Variants in ATP10B observed in about 807,000 individuals in gnomAD.
ATP10B encodes ATPase phospholipid transporting 10B (putative), also known as phospholipid-transporting ATPase VB.
A neutral mutation model predicts 141.2 loss-of-function variants in ATP10B; 122 were observed. That is an observed-to-expected ratio of 0.86 (90% CI 0.75 to 1.00). The LOEUF (loss-of-function observed/expected upper bound fraction) is 1.00, where lower values mean the gene tolerates loss of function less well. Among genes scored for constraint, ATP10B ranks in the 50% least tolerant of loss-of-function variants. The pLI is 0.00. For synonymous variants in ATP10B, 685 were observed against 692.0 expected (o/e 0.99, Z 0.16); for missense variants, 1,876 against 1,825.3 (o/e 1.03, Z -0.51).
At chr5:160,749,872 A>G (rs903756156) in intron 2 of ATP10B, among the ~76,000 whole-genome samples, 3 of 152,164 alleles carry the variant, frequency 2.0e-5, no homozygotes, top group South Asian at 4.1e-4. Flanking sequence ...CCCTATCTTC[A>G]TGGCACTCTA....
At chr5:160,588,170 T>C (rs12653513) in intron 24 of ATP10B, among the ~76,000 whole-genome samples, 4,478 of 152,308 alleles carry the variant, frequency 0.029, 218 homozygotes, top group East Asian at 0.22. Context: ...TTTCTAAATA[T>C]ACAATCATGT....
At chr5:160,752,411 C>G (rs1768220610) in intron 2 of ATP10B, among the ~76,000 whole-genome samples, 1 of 152,126 alleles carries the variant, frequency 6.6e-6, no homozygotes, top group East Asian at 1.9e-4. Context: ...GACTATTCCA[C>G]TTAGCATACA....
intron 2 of ATP10B, among the ~76,000 whole-genome samples, chr5:160,780,550 TTCTA>T (rs2127879916): frequency 6.6e-6 from 1 of 152,306 alleles, no homozygotes; most frequent in Admixed American, 6.5e-5. Context: ...ACAACTTCAC[TTCTA>T]TCTGTGCATC....
intron 18 of ATP10B, among the ~76,000 whole-genome samples, chr5:160,608,680 G>A (rs1757540017): frequency 2.0e-5 from 3 of 152,222 alleles, no homozygotes; most frequent in Admixed American, 2.0e-4. Flanking sequence ...CTGATGGCCA[G>A]TGATGATGAG....
Position 160,747,995 on chromosome 5 carries a change from GAAAAA to G in ATP10B, c.-330-30966_-330-30962del, listed in dbSNP as rs3075589. Among the ~76,000 whole-genome samples, 20 of 99,042 alleles carry G rather than the reference GAAAAA, an allele frequency of 2.0e-4. 1 individual carries two copies. Among genetic ancestry groups the G allele is most frequent in the Middle Eastern group, 5.0e-3 (1 of 202 alleles). 65.0% of individuals were successfully genotyped at this position (99,042 alleles called of 152,430 possible). A position where few individuals can be genotyped will look rare whatever the true frequency, so the allele number is the denominator to read the frequency against. On this transcript the variant is annotated intron_variant, in intron 2 of 25. Coordinates refer to ENST00000327245, the MANE Select transcript of ATP10B (RefSeq NM_025153.3). ...CTGGGTCCAGCTGAGCATTGAGAGA[GAAAAA>G]AAAAAAAAAAAAAAAAGCGGCCGGG... is the stretch of plus-strand genomic sequence containing the variant.
chr5:160,714,026 T>C (rs1765447026), intron 3 of ATP10B, among the ~76,000 whole-genome samples: 1 of 40,538 alleles, frequency 2.5e-5, no homozygotes. Context: ...AACCCGACCT[T>C]TCTCTCTGGC....
chr5:160,867,284 C>A, the ATP10B span, among the ~76,000 whole-genome samples: 1 of 151,874 alleles, frequency 6.6e-6, no homozygotes, highest in African/African-American at 2.4e-5. Context: ...TTGTTAATAT[C>A]TGGGCCCACT....
chr5:160,865,302 A>G, the ATP10B span, among the ~76,000 whole-genome samples: 80 of 152,170 alleles, frequency 5.3e-4, no homozygotes, highest in African/African-American at 1.7e-3. Context: ...TTGACAAAGC[A>G]TACAAAAACA....
At chr5:160,903,732 A>G in the ATP10B span, among the ~76,000 whole-genome samples, 3 of 152,230 alleles carry the variant, frequency 2.0e-5, no homozygotes, top group South Asian at 2.1e-4. Context: ...CTTATCTCAC[A>G]CAGAAGATTA....
chr5:160,615,925 G>A lies in ATP10B; in HGVS notation c.2566C>T (p.Arg856Trp), dbSNP rs749983555. The A allele has an allele frequency of 1.4e-5, 23 of 1,613,606 alleles. No individual in the cohort carries two copies. Among genetic ancestry groups the A allele is most frequent in the East Asian group, 4.5e-5 (2 of 44,856 alleles). The change falls in exon 17 of 26, where the codon CGG (arginine) becomes TGG (tryptophan). Residue 856 changes from arginine (R) to tryptophan (W), a missense_variant. Arg to Trp is a moderately radical substitution (Grantham distance 101, BLOSUM62 -3). Transcript: ENST00000327245. ...EEDFRRWASFRREAEASLDNR... is the reference protein window; with the variant it reads ...EEDFRRWASFWREAEASLDNR... The stretch of plus-strand genomic sequence containing the variant: ...TCGAGGGATGCCTCAGCCTCACGCC[G>A]GAAACTGGCCCATCTCCGGAAGTCC...
At chr5:160,602,431 A>G in intron 21 of ATP10B, 146 bp downstream of exon 21, 1 of 1,024,010 alleles carries the variant, frequency 9.8e-7, no homozygotes, top group South Asian at 1.6e-5. Context: ...TCACAGAGCT[A>G]TTAAGGAACA....
rs115262034 is a variant in ATP10B at position 160,623,819 on chromosome 5, A to G, written c.1621-1234T>C. Among the ~76,000 whole-genome samples the G allele has an allele frequency of 8.4e-3, 1,281 of 152,260 alleles. 13 individuals carry two copies. Among genetic ancestry groups the G allele is most frequent in the African/African-American group, 0.029 (1,209 of 41,536 alleles). ...GCAGTGGTGGTGTCTGGTTTTGTCT[A>G]TCTCCCTGCTGGCATCTTGCTTTGG... On this transcript the variant is annotated intron_variant, in intron 13 of 25. Coordinates refer to ENST00000327245, the MANE Select transcript of ATP10B (RefSeq NM_025153.3).
chr5:160,736,058 A>G (rs1767093635), intron 2 of ATP10B, among the ~76,000 whole-genome samples: 1 of 152,330 alleles, frequency 6.6e-6, no homozygotes, highest in Admixed American at 6.5e-5. Context: ...AAACAATCTA[A>G]TGATGCATCT....
Position 160,632,339 on chromosome 5 carries a change from C to T in ATP10B, c.1410G>A (p.Leu470=), listed in dbSNP as rs1208328056. The T allele has an allele frequency of 1.2e-6, 2 of 1,614,088 alleles. No individual in the cohort carries two copies. The highest frequency in any genetic ancestry group is 1.7e-6 in the Non-Finnish European group (2 of 1,180,030). ...GGGTCCACTCTTCACCATCTGAGTC[C>T]AGCTCCTTTGGGGTCTCCAGTCGCT... ...NAKRLETPKE[L]DSDGEEWTQY... Residue 470 remains leucine (L), a synonymous_variant, in exon 13 of 26, where the codon CTG becomes CTA. Transcript: ENST00000327245.
chr5:160,818,361 AAAG>A (rs1773843630), intron 1 of ATP10B, among the ~76,000 whole-genome samples: 1 of 152,242 alleles, frequency 6.6e-6, no homozygotes, highest in Non-Finnish European at 1.5e-5. Flanking sequence ...ACACTTCTCA[AAAG>A]AAGACATTGA....
the ATP10B span, among the ~76,000 whole-genome samples, chr5:160,893,175 A>C: frequency 6.6e-6 from 1 of 152,004 alleles, no homozygotes; most frequent in Non-Finnish European, 1.5e-5. Context: ...CCCAAGTGGC[A>C]CCTGGAATGC....
chr5:160,563,443 A>G lies in ATP10B; in HGVS notation c.*2010T>C, dbSNP rs1377328050. ...AAAGAGCAGCATCAGAGTGTTGGCT[A>G]TAGTTTGGAACTTAGGAACAGGATC... On this transcript the variant is annotated 3_prime_UTR_variant, in exon 26 of 26. Transcript: ENST00000327245. 6.6e-6 allele frequency: 1 copy of G among 152,212 alleles called. No individual in the cohort carries two copies. Among genetic ancestry groups the G allele is most frequent in the Non-Finnish European group, 1.5e-5 (1 of 68,038 alleles). The allele number at this position is 152,212 out of a possible 1,614,324, so 9.4% of individuals were successfully genotyped here.
intron 2 of ATP10B, among the ~76,000 whole-genome samples, chr5:160,733,610 TCA>T (rs908960829): frequency 1.3e-5 from 2 of 151,636 alleles, no homozygotes; most frequent in Admixed American, 6.6e-5. Flanking sequence ...TACATATATG[TCA>T]CACATATATT....
intron 24 of ATP10B, among the ~76,000 whole-genome samples, chr5:160,583,890 G>T (rs1755712108): frequency 6.6e-6 from 1 of 152,152 alleles, no homozygotes; most frequent in African/African-American, 2.4e-5. Flanking sequence ...AACCAAGCTG[G>T]AGTGTACCAG....
Sources: allele counts gnomAD v4.1 joint callset (sites outside exome capture counted in the v4.1 genomes callset), GRCh38; gene constraint gnomAD v4.1.1; transcripts MANE v1.5; gene names NCBI Gene and HGNC (gene_info 2026-07-23, HGNC 2026-07-21).